Variants in CACNA2D3 observed in about 807,000 individuals in gnomAD.
CACNA2D3 encodes the protein calcium voltage-gated channel auxiliary subunit alpha2delta 3, also known as voltage-dependent calcium channel subunit alpha-2/delta-3.
CACNA2D3 carries 60 observed loss-of-function variants against 160.6 expected under a neutral mutation model. That is an observed-to-expected ratio of 0.37 (90% CI 0.30 to 0.46). The LOEUF (loss-of-function observed/expected upper bound fraction) is 0.46, where lower values mean the gene tolerates loss of function less well. CACNA2D3 is among the 20% of genes least tolerant of loss of function. The pLI is 1.00. For synonymous variants in CACNA2D3, 558 were observed against 492.9 expected (o/e 1.13, Z -1.75); for missense variants, 1,205 against 1,365.0 (o/e 0.88, Z 1.85).
intron 27 of CACNA2D3, among the ~76,000 whole-genome samples, chr3:54,915,694 T>C (rs1700646241): frequency 6.6e-6 from 1 of 152,256 alleles, no homozygotes; most frequent in Non-Finnish European, 1.5e-5. Flanking sequence ...ATGATAACTC[T>C]GCATTTGTTA....
Position 54,511,401 on chromosome 3 carries a change from C to T in CACNA2D3, c.544+7747C>T, listed in dbSNP as rs145386461. 1.7e-3 allele frequency among the ~76,000 whole-genome samples: 263 copies of T among 152,020 alleles called. 3 individuals are homozygous for T. The highest frequency in any genetic ancestry group is 4.9e-3 in the African/African-American group (202 of 41,472). On this transcript the variant is annotated intron_variant, in intron 5 of 37. Coordinates refer to ENST00000474759, the MANE Select transcript of CACNA2D3 (RefSeq NM_018398.3). ...TAGCAGAGGACCTGGAATAGAAATGCGCTTCTAAGGATGTTGTTGAATTGA... is the reference window on the plus strand; with the variant it reads ...TAGCAGAGGACCTGGAATAGAAATGTGCTTCTAAGGATGTTGTTGAATTGA...
At chr3:54,953,057 G>A (rs1009313971) in intron 27 of CACNA2D3, among the ~76,000 whole-genome samples, 3 of 152,142 alleles carry the variant, frequency 2.0e-5, no homozygotes, top group Non-Finnish European at 4.4e-5. Context: ...AACTGCAGGG[G>A]AGGAAACCAG....
chr3:54,419,462 G>A (rs1482813764), intron 4 of CACNA2D3, among the ~76,000 whole-genome samples: 1 of 152,212 alleles, frequency 6.6e-6, no homozygotes, highest in Non-Finnish European at 1.5e-5. Flanking sequence ...AGAGACTGCT[G>A]TGAGGACACA....
At chr3:54,476,046 A>AT (rs35383482) in intron 4 of CACNA2D3, among the ~76,000 whole-genome samples, 117,277 of 135,220 alleles carry the variant, frequency 0.87, 51,059 homozygotes, top group African/African-American at 0.9. Flanking sequence ...TGTAAGTTTG[A>AT]TTTTTTTTTT....
At chr3:54,462,063 C>G (rs567986249) in intron 4 of CACNA2D3, among the ~76,000 whole-genome samples, 8 of 152,226 alleles carry the variant, frequency 5.3e-5, no homozygotes, top group African/African-American at 1.9e-4. Flanking sequence ...GCAGGTTGTT[C>G]AGTTTCCATG....
At chr3:54,688,533 T>A (rs1379274187) in intron 11 of CACNA2D3, among the ~76,000 whole-genome samples, 2 of 151,784 alleles carry the variant, frequency 1.3e-5, no homozygotes, top group African/African-American at 4.8e-5. Flanking sequence ...TTTCTCCTGC[T>A]TGGCCGAGTA....
intron 8 of CACNA2D3, among the ~76,000 whole-genome samples, chr3:54,578,761 GT>G (rs1702628829): frequency 6.6e-6 from 1 of 152,214 alleles, no homozygotes; most frequent in Non-Finnish European, 1.5e-5. Flanking sequence ...GGCAAGCATG[GT>G]TTTGATTACT....
At chr3:54,468,953 C>A (rs993763483) in intron 4 of CACNA2D3, among the ~76,000 whole-genome samples, 4 of 152,184 alleles carry the variant, frequency 2.6e-5, no homozygotes, top group Non-Finnish European at 4.4e-5. Flanking sequence ...AAACTCCCAT[C>A]TCCCTGGTAA....
At chr3:54,679,475 G>C (rs1418317953) in intron 11 of CACNA2D3, among the ~76,000 whole-genome samples, 1 of 152,170 alleles carries the variant, frequency 6.6e-6, no homozygotes, top group Non-Finnish European at 1.5e-5. Flanking sequence ...ATCCCTGGGA[G>C]AGCTGGGGCA....
At chr3:54,571,289 A>T (rs1035156549) in intron 8 of CACNA2D3, among the ~76,000 whole-genome samples, 1 of 152,162 alleles carries the variant, frequency 6.6e-6, no homozygotes, top group African/African-American at 2.4e-5. Context: ...AATATTTCTT[A>T]TCAGACTTAA....
chr3:54,978,137 A>G (rs941926934), intron 29 of CACNA2D3, among the ~76,000 whole-genome samples: 4 of 152,050 alleles, frequency 2.6e-5, no homozygotes, highest in African/African-American at 9.7e-5. Flanking sequence ...TATCAGCAAG[A>G]TCTTTATGAC....
At chr3:54,906,232 G>A (rs913729770) in intron 27 of CACNA2D3, among the ~76,000 whole-genome samples, 3 of 152,158 alleles carry the variant, frequency 2.0e-5, no homozygotes, top group African/African-American at 7.2e-5. Context: ...AAGTGAAAGG[G>A]AGGGAGGGAG....
chr3:54,383,091 G>T (rs762968690), intron 3 of CACNA2D3, among the ~76,000 whole-genome samples: 4 of 152,080 alleles, frequency 2.6e-5, no homozygotes, highest in Admixed American at 6.5e-5. Context: ...CATACGATCC[G>T]CCCCCCTTGG....
rs577855561 is a variant in CACNA2D3 at position 54,422,588 on chromosome 3, A to T, written c.381+35814A>T. On this transcript the variant is annotated intron_variant, in intron 4 of 37. Transcript: ENST00000474759. ...GTGGAATTCCATGGACAAAGAAAAG[A>T]TGCTCAATCTCATTAGTAATCAGGG... 6.6e-5 allele frequency among the ~76,000 whole-genome samples: 10 copies of T among 152,294 alleles called. No homozygotes were observed. In the South Asian group the frequency reaches 1.9e-3, roughly 28 times the overall value.
intron 4 of CACNA2D3, among the ~76,000 whole-genome samples, chr3:54,408,538 G>A (rs377188622): frequency 1.1e-4 from 16 of 152,244 alleles, no homozygotes; most frequent in East Asian, 9.7e-4. Context: ...TACCGAAAAA[G>A]TAACCTGTAG....
chr3:54,543,390 GA>G (rs1400649824), intron 5 of CACNA2D3, among the ~76,000 whole-genome samples: 5 of 152,116 alleles, frequency 3.3e-5, no homozygotes, highest in Non-Finnish European at 7.4e-5. Flanking sequence ...TTTCCTTTCT[GA>G]TCATTTGATT....
intron 2 of CACNA2D3, among the ~76,000 whole-genome samples, chr3:54,232,024 G>A (rs1297187697): frequency 6.6e-6 from 1 of 152,248 alleles, no homozygotes; most frequent in Non-Finnish European, 1.5e-5. Flanking sequence ...TTAAGCATAG[G>A]CATGTTTCAC....
chr3:54,218,990 G>A (rs1183870907), intron 2 of CACNA2D3, among the ~76,000 whole-genome samples: 5 of 152,092 alleles, frequency 3.3e-5, no homozygotes, highest in Non-Finnish European at 5.9e-5. Flanking sequence ...CTTTTTTCAT[G>A]TAATATTACT....
chr3:54,616,670 C>T (rs996600874), intron 9 of CACNA2D3, among the ~76,000 whole-genome samples: 6 of 152,154 alleles, frequency 3.9e-5, no homozygotes, highest in Admixed American at 3.3e-4. Flanking sequence ...ACAAGATTGG[C>T]TGTGAGTTGA....
Sources: allele counts gnomAD v4.1 joint callset (sites outside exome capture counted in the v4.1 genomes callset), GRCh38; gene constraint gnomAD v4.1.1; transcripts MANE v1.5; gene names NCBI Gene and HGNC (gene_info 2026-07-23, HGNC 2026-07-21).